The following MARCHF1 variants were observed in gnomAD, a reference collection of about 807,000 sequenced individuals.
MARCHF1 encodes E3 ubiquitin-protein ligase MARCHF1.
In MARCHF1, 40 loss-of-function variants were observed where a neutral mutation model predicts 54.2. The ratio of observed to expected loss-of-function variants is 0.74; its 90% CI spans 0.57 to 0.96. The LOEUF (loss-of-function observed/expected upper bound fraction) is 0.96. Among genes scored for constraint, MARCHF1 ranks in the 40% least tolerant of loss-of-function variants. The pLI, the probability that MARCHF1 is intolerant of heterozygous loss-of-function variation, is 0.00. For synonymous variants in MARCHF1, 236 were observed against 236.3 expected (o/e 1.00, Z 0.01); for missense variants, 586 against 656.5 (o/e 0.89, Z 1.17).
intron 1 of MARCHF1, among the ~76,000 whole-genome samples, chr4:164,176,970 C>CCATATA (rs3059788): frequency 5.4e-4 from 31 of 57,414 alleles, no homozygotes; most frequent in East Asian, 1.5e-3. Flanking sequence ...CTCTCTCTCT[C>CCATATA]TCTCTCTCTC....
At chr4:164,144,317 G>T (rs1373797115) in intron 1 of MARCHF1, among the ~76,000 whole-genome samples, 1 of 151,038 alleles carries the variant, frequency 6.6e-6, no homozygotes, top group Non-Finnish European at 1.5e-5. Flanking sequence ...TGCACCAAGG[G>T]GACCTAATAG....
At chr4:163,736,971 C>T (rs961485807) in intron 4 of MARCHF1, among the ~76,000 whole-genome samples, 4 of 151,964 alleles carry the variant, frequency 2.6e-5, no homozygotes, top group African/African-American at 9.7e-5. Flanking sequence ...CTAACACATT[C>T]AGGATCTCTG....
chr4:163,630,472 T>C (rs1478877580), intron 5 of MARCHF1, among the ~76,000 whole-genome samples: 1 of 152,128 alleles, frequency 6.6e-6, no homozygotes, highest in South Asian at 2.1e-4. Context: ...TTTTGGGGAG[T>C]TGATAGAAAT....
intron 1 of MARCHF1, among the ~76,000 whole-genome samples, chr4:164,262,375 A>C (rs1381879433): frequency 6.6e-6 from 1 of 152,098 alleles, no homozygotes. Context: ...AAGCAAATGC[A>C]TTGTTTTTCC....
intron 7 of MARCHF1, among the ~76,000 whole-genome samples, chr4:163,596,743 G>A (rs956141273): frequency 3.9e-5 from 6 of 152,048 alleles, no homozygotes; most frequent in African/African-American, 1.2e-4. Flanking sequence ...GTTTGAGATA[G>A]TTCAATGAAT....
intron 1 of MARCHF1, among the ~76,000 whole-genome samples, chr4:164,281,892 G>GAAACTACCTGAC (rs1560986382): frequency 2.8e-5 from 4 of 143,714 alleles, no homozygotes; most frequent in East Asian, 5.2e-4. Context: ...ATTATAAAAT[G>GAAACTACCTGAC]TCCCTTTGCA....
chr4:163,861,089 G>A (rs1375626095), intron 3 of MARCHF1, among the ~76,000 whole-genome samples: 1 of 152,124 alleles, frequency 6.6e-6, no homozygotes, highest in Non-Finnish European at 1.5e-5. Context: ...GTAACAAATG[G>A]GGAATGTTAG....
chr4:163,675,282 A>G (rs188284585), intron 5 of MARCHF1, among the ~76,000 whole-genome samples: 45 of 152,346 alleles, frequency 3.0e-4, no homozygotes, highest in African/African-American at 1.1e-3. Flanking sequence ...CTCAAATTTG[A>G]AGGCATAAAA....
chr4:163,658,891 G>A lies in MARCHF1; in HGVS notation c.162+41922C>T, dbSNP rs1264092038. ...GTTGATAGGTGCAGCAAACCACTAT[G>A]GCACATGTTTACCTATGTAACAAAC... On this transcript the variant is annotated intron_variant, in intron 5 of 9. Coordinates refer to ENST00000514618, the MANE Select transcript of MARCHF1 (RefSeq NM_001394959.1). 2.0e-5 allele frequency among the ~76,000 whole-genome samples: 3 copies of A among 151,652 alleles called. 1 individual carries two copies. The highest frequency in any genetic ancestry group is 4.4e-5 in the Non-Finnish European group (3 of 67,896).
At chr4:163,718,179 A>T (rs1745325198) in intron 4 of MARCHF1, among the ~76,000 whole-genome samples, 1 of 152,262 alleles carries the variant, frequency 6.6e-6, no homozygotes, top group Non-Finnish European at 1.5e-5. Flanking sequence ...CTTAAATGTT[A>T]GACCTAAAAC....
chr4:163,752,718 C>G, intron 4 of MARCHF1, among the ~76,000 whole-genome samples: 1 of 152,128 alleles, frequency 6.6e-6, no homozygotes, highest in South Asian at 2.1e-4. Flanking sequence ...AATAGGTAAT[C>G]AAAGAAGAAA....
intron 3 of MARCHF1, among the ~76,000 whole-genome samples, chr4:163,886,441 C>A (rs1406387993): frequency 1.3e-5 from 2 of 151,610 alleles, no homozygotes; most frequent in Non-Finnish European, 2.9e-5. Flanking sequence ...TATAATAAAG[C>A]ATCTCAACCA....
intron 4 of MARCHF1, among the ~76,000 whole-genome samples, chr4:163,821,506 A>C (rs1748691586): frequency 6.6e-6 from 1 of 152,044 alleles, no homozygotes; most frequent in Non-Finnish European, 1.5e-5. Context: ...GGAAAGTAAA[A>C]TCACTAACAC....
At chr4:164,193,274 G>A (rs923883798) in intron 1 of MARCHF1, among the ~76,000 whole-genome samples, 8 of 151,710 alleles carry the variant, frequency 5.3e-5, no homozygotes, top group South Asian at 4.2e-4. Flanking sequence ...GAAAATCTCC[G>A]TCCCTTTCCA....
chr4:164,325,448 A>G (rs2110779488), intron 1 of MARCHF1, among the ~76,000 whole-genome samples: 1 of 151,938 alleles, frequency 6.6e-6, no homozygotes, highest in East Asian at 1.9e-4. Context: ...ATAACTTGCT[A>G]CATACCTAAA....
rs571251324 is a variant in MARCHF1 at position 163,668,040 on chromosome 4, C to A, written c.162+32773G>T. The stretch of plus-strand genomic sequence containing the variant: ...GTACATGGTCCCTATCACAATCTGC[C>A]AGCTATTTCTCATTAGAAACAATAT... On this transcript the variant is annotated intron_variant, in intron 5 of 9. Transcript: ENST00000514618. Among the ~76,000 whole-genome samples the A allele has an allele frequency of 6.6e-5, 10 of 152,264 alleles. No homozygotes were observed. The South Asian group carries it at 2.1e-3, about 32-fold the overall frequency.
At chr4:164,004,780 A>G (rs1242836131) in intron 2 of MARCHF1, among the ~76,000 whole-genome samples, 3 of 152,088 alleles carry the variant, frequency 2.0e-5, no homozygotes, top group African/African-American at 7.2e-5. Context: ...GACAACTAGA[A>G]AACATTGGGA....
intron 2 of MARCHF1, among the ~76,000 whole-genome samples, chr4:164,003,833 A>C (rs1157107049): frequency 6.6e-6 from 1 of 152,170 alleles, no homozygotes; most frequent in Non-Finnish European, 1.5e-5. Flanking sequence ...AGATACATGC[A>C]TGTGTATGTT....
chr4:164,030,146 A>G (rs1560869766), intron 2 of MARCHF1, among the ~76,000 whole-genome samples: 1 of 152,110 alleles, frequency 6.6e-6, no homozygotes, highest in Non-Finnish European at 1.5e-5. Context: ...AATCATTTAC[A>G]AAGGGTTCGT....
Sources: gnomAD v4.1 joint callset for allele counts (sites outside exome capture counted in the v4.1 genomes callset) on GRCh38, gnomAD v4.1.1 for gene constraint, MANE v1.5 for transcripts, NCBI Gene and HGNC (gene_info 2026-07-23, HGNC 2026-07-21) for gene names.